GLDC: variants seen among roughly 807,000 people sequenced by gnomAD.
GLDC encodes glycine dehydrogenase (decarboxylating), mitochondrial.
Under a neutral mutation model 121.3 loss-of-function variants are expected in GLDC, and 104 were observed. The ratio of observed to expected loss-of-function variants is 0.86; its 90% confidence interval spans 0.73 to 1.01. The LOEUF (loss-of-function observed/expected upper bound fraction) is 1.01, where lower values mean the gene tolerates loss of function less well. Ranked by LOEUF, GLDC falls within the 50% of genes least tolerant of loss-of-function variation. The pLI, the probability that GLDC is intolerant of heterozygous loss-of-function variation, is 0.00. For missense variants in GLDC, 1,429 were observed against 1,306.6 expected, an observed-to-expected ratio of 1.09 and a Z score of -1.44; for synonymous variants, 546 against 480.6, an observed-to-expected ratio of 1.14 and a Z score of -1.78.
intron 21 of GLDC, among the ~76,000 whole-genome samples, chr9:6,542,730 CA>C (rs892580880): frequency 8.0e-5 from 12 of 149,692 alleles, no homozygotes; most frequent in South Asian, 4.2e-4. Context: ...TACAAAAAAA[CA>C]AAAAATTAGC....
intron 20 of GLDC, among the ~76,000 whole-genome samples, chr9:6,552,060 G>A (rs1817526063): frequency 1.3e-5 from 2 of 152,166 alleles, no homozygotes; most frequent in African/African-American, 4.8e-5. Flanking sequence ...TAAAGCAACA[G>A]GAAGCCACGA....
intron 21 of GLDC, among the ~76,000 whole-genome samples, chr9:6,545,180 A>C (rs1181640436): frequency 2.6e-5 from 4 of 152,306 alleles, no homozygotes; most frequent in African/African-American, 7.2e-5. Context: ...ACAGTCATGC[A>C]TCACTTAATG....
intron 2 of GLDC, among the ~76,000 whole-genome samples, chr9:6,624,484 T>C (rs2578268): frequency 0.63 from 95,670 of 152,062 alleles, 32,529 homozygotes; most frequent in African/African-American, 0.89. Flanking sequence ...GGGAACTGAT[T>C]CTCCTTCAGA....
chr9:6,596,855 G>T (rs550837762), intron 8 of GLDC, among the ~76,000 whole-genome samples: 2 of 152,218 alleles, frequency 1.3e-5, no homozygotes, highest in East Asian at 3.9e-4. Flanking sequence ...GTTAAATGTA[G>T]AGTTATATGA....
intron 2 of GLDC, among the ~76,000 whole-genome samples, chr9:6,643,197 C>T (rs924332281): frequency 6.6e-6 from 1 of 151,954 alleles, no homozygotes; most frequent in African/African-American, 2.4e-5. Flanking sequence ...CGTGCCCAGC[C>T]AGGATTCTGA....
chr9:6,550,970 A>G, intron 20 of GLDC, 56 bp from the exon 21 acceptor site: 1 of 1,142,250 alleles, frequency 8.8e-7, no homozygotes, highest in Admixed American at 1.7e-5. Context: ...ACGAATGTGA[A>G]GAAACCAACC....
chr9:6,538,206 T>C (rs114294604), intron 22 of GLDC, among the ~76,000 whole-genome samples: 1 of 152,068 alleles, frequency 6.6e-6, no homozygotes, highest in Non-Finnish European at 1.5e-5. Flanking sequence ...CCTGCTGTAG[T>C]GGTCCCCATA....
chr9:6,563,489 T>C (rs554887589), intron 16 of GLDC, among the ~76,000 whole-genome samples: 106 of 152,180 alleles, frequency 7.0e-4, no homozygotes, highest in Middle Eastern at 3.4e-3. Flanking sequence ...AAGATACTAA[T>C]GAAGAGGAAC....
intron 7 of GLDC, 131 bp downstream of exon 7, chr9:6,604,457 T>C (rs1226666383): frequency 2.3e-5 from 19 of 839,238 alleles, no homozygotes; most frequent in Non-Finnish European, 3.7e-5. Flanking sequence ...TTCTTCTGAA[T>C]CTATGTTGTA....
At chr9:6,639,794 G>A (rs1184733666) in intron 2 of GLDC, among the ~76,000 whole-genome samples, 2 of 151,478 alleles carry the variant, frequency 1.3e-5, no homozygotes, top group Admixed American at 6.6e-5. Context: ...AAACTAACCC[G>A]CTTACTTAGA....
chr9:6,634,552 CAAAAAACA>C (rs1385509667), intron 2 of GLDC, among the ~76,000 whole-genome samples: 2,950 of 101,870 alleles, frequency 0.029, 98 homozygotes, highest in African/African-American at 0.11. Flanking sequence ...AACAAACAAA[CAAAAAACA>C]AAAAAAAAAC....
chr9:6,597,915 T>C (rs1239036723), intron 8 of GLDC, among the ~76,000 whole-genome samples: 2 of 102,080 alleles, frequency 2.0e-5, no homozygotes, highest in East Asian at 3.9e-4. Flanking sequence ...GCCTGGGCGA[T>C]GGAGCGAGAC....
intron 8 of GLDC, among the ~76,000 whole-genome samples, chr9:6,596,677 A>C (rs1818499263): frequency 6.6e-6 from 1 of 152,206 alleles, no homozygotes; most frequent in South Asian, 2.1e-4. Flanking sequence ...ATACAAAACA[A>C]AACCACAGTG....
intron 2 of GLDC, among the ~76,000 whole-genome samples, chr9:6,631,589 C>T (rs1819378003): frequency 6.6e-6 from 1 of 152,128 alleles, no homozygotes; most frequent in Non-Finnish European, 1.5e-5. Flanking sequence ...CCTATGTATT[C>T]AGGCCAAATG....
chr9:6,594,554 G>A (rs907365545), intron 9 of GLDC, among the ~76,000 whole-genome samples: 1 of 152,162 alleles, frequency 6.6e-6, no homozygotes, highest in Non-Finnish European at 1.5e-5. Flanking sequence ...AAATTAGCCA[G>A]ACATGGTGGC....
intron 19 of GLDC, among the ~76,000 whole-genome samples, chr9:6,554,194 A>T (rs905204303): frequency 1.3e-5 from 2 of 152,176 alleles, no homozygotes; most frequent in Non-Finnish European, 2.9e-5. Flanking sequence ...CTCTGGCTTC[A>T]TCCAATTATT....
At chr9:6,540,474 C>T (rs537745497) in intron 21 of GLDC, 43 of 346,758 alleles carry the variant, frequency 1.2e-4, no homozygotes, top group Non-Finnish European at 1.9e-4. Context: ...TTCTATTCTG[C>T]GGACATAAAA....
At chr9:6,594,369 A>G (rs1384246195) in intron 9 of GLDC, among the ~76,000 whole-genome samples, 1 of 152,096 alleles carries the variant, frequency 6.6e-6, no homozygotes, top group Non-Finnish European at 1.5e-5. Flanking sequence ...AAAATATCAC[A>G]GCTTGCCAGG....
intron 15 of GLDC, among the ~76,000 whole-genome samples, chr9:6,577,292 GT>G (rs1363921279): frequency 3.9e-5 from 6 of 152,216 alleles, no homozygotes; most frequent in Non-Finnish European, 8.8e-5. Context: ...ATTCTGCAGA[GT>G]TTGAACTGGG....
Sources: allele counts gnomAD v4.1 joint callset (sites outside exome capture counted in the v4.1 genomes callset), GRCh38; gene constraint gnomAD v4.1.1; transcripts MANE v1.5; gene names NCBI Gene and HGNC (gene_info 2026-07-23, HGNC 2026-07-21).